The following CMTM7 variants were observed in gnomAD, a reference collection of about 807,000 sequenced individuals.
The protein encoded by CMTM7 is CKLF like MARVEL transmembrane domain containing 7.
A neutral mutation model predicts 19.3 loss-of-function variants in CMTM7; 7 were observed. The observed-to-expected ratio is 0.36, with a 90% CI of 0.21 to 0.68. CMTM7 has a LOEUF of 0.68. CMTM7 is among the 30% of genes least tolerant of loss of function. The pLI, the probability that CMTM7 is intolerant of heterozygous loss-of-function variation, is 0.60. For missense variants in CMTM7, 193 were observed against 232.6 expected (o/e 0.83, Z 1.11); for synonymous variants, 87 against 99.3 (o/e 0.88, Z 0.74).
chr3:32,415,098 G>C (rs907201970), intron 1 of CMTM7, among the ~76,000 whole-genome samples: 2 of 151,950 alleles, frequency 1.3e-5, no homozygotes, highest in African/African-American at 4.8e-5. Flanking sequence ...GCAGATTCCT[G>C]GGCCCCAGCT....
At chr3:32,416,255 A>G (rs1305473714) in intron 1 of CMTM7, among the ~76,000 whole-genome samples, 3 of 151,536 alleles carry the variant, frequency 2.0e-5, no homozygotes, top group Non-Finnish European at 2.9e-5. Flanking sequence ...CTGGAGTGCA[A>G]TGGTGCGATC....
chr3:32,426,979 A>G (rs1056436820), intron 1 of CMTM7, among the ~76,000 whole-genome samples: 6 of 152,236 alleles, frequency 3.9e-5, no homozygotes, highest in Non-Finnish European at 5.9e-5. Flanking sequence ...ACAGTGCTTT[A>G]TATGTATTGA....
chr3:32,453,334 C>T (rs1314356055), intron 4 of CMTM7, among the ~76,000 whole-genome samples: 1 of 152,102 alleles, frequency 6.6e-6, no homozygotes, highest in South Asian at 2.1e-4. Flanking sequence ...AGAAGTAGCA[C>T]TGAGTATCCT....
In CMTM7 at chr3:32,438,736, A is replaced by G. The variant is rs928171725; in HGVS notation, c.160-3104A>G. On this transcript the variant is annotated intron_variant, in intron 1 of 4. Transcript: ENST00000334983. The stretch of plus-strand genomic sequence containing the variant: ...CCCAGAAAGGTTCGAGATGTTTCTG[A>G]TAGAGCAGGAATGTACTTCCTACTA... 3.9e-5 allele frequency among the ~76,000 whole-genome samples: 6 copies of G among 152,232 alleles called. No homozygotes were observed. In the East Asian group the frequency reaches 7.7e-4, roughly 20 times the overall value.
At chr3:32,402,580 C>T (rs190008660) in intron 1 of CMTM7, among the ~76,000 whole-genome samples, 60 of 151,990 alleles carry the variant, frequency 3.9e-4, no homozygotes, top group African/African-American at 1.4e-3. Context: ...TTTTATTTTT[C>T]GAGACAGAGT....
Position 32,391,892 on chromosome 3 carries a change from A to G in CMTM7, c.-15A>G. 6.6e-6 allele frequency: 8 copies of G among 1,205,766 alleles called. No individual in the cohort carries two copies. The highest frequency in any genetic ancestry group is 1.6e-5 in the African/African-American group (1 of 63,250). 74.7% of individuals were successfully genotyped at this position (1,205,766 alleles called of 1,614,324 possible). A position where few individuals can be genotyped will look rare whatever the true frequency, so the allele number is the denominator to read the frequency against. On this transcript the variant is annotated 5_prime_UTR_variant, in exon 1 of 5. Coordinates refer to ENST00000334983, the MANE Select transcript of CMTM7 (RefSeq NM_138410.4). The stretch of plus-strand genomic sequence containing the variant: ...CAGCTGCCCGGGGAGGCGGCCAGCG[A>G]GCTGGGGCCGCGCAATGTCGCACGG...
Position 32,454,559 on chromosome 3 carries a change from C to T in CMTM7, c.*305C>T. ...CCACCTCAGGTACTGATGAACCCCACTTAGCACAGCTGAAGGGGTTTGTGA... is the reference window on the plus strand; with the variant it reads ...CCACCTCAGGTACTGATGAACCCCATTTAGCACAGCTGAAGGGGTTTGTGA... On this transcript the variant is annotated 3_prime_UTR_variant, in exon 5 of 5. Transcript: ENST00000334983. 1.6e-6 allele frequency: 1 copy of T among 612,646 alleles called. No homozygotes were observed. Among genetic ancestry groups the T allele is most frequent in the Non-Finnish European group, 3.0e-6 (1 of 330,352 alleles). 38.0% of individuals were successfully genotyped at this position (612,646 alleles called of 1,614,324 possible). A position where few individuals can be genotyped will look rare whatever the true frequency, so the allele number is the denominator to read the frequency against.
At chr3:32,407,324 A>G (rs1478992683) in intron 1 of CMTM7, among the ~76,000 whole-genome samples, 3 of 152,186 alleles carry the variant, frequency 2.0e-5, no homozygotes, top group Non-Finnish European at 2.9e-5. Flanking sequence ...TGTCCACTGA[A>G]AGAGTTGTGT....
At chr3:32,409,274 G>A (rs1696137697) in intron 1 of CMTM7, among the ~76,000 whole-genome samples, 1 of 152,040 alleles carries the variant, frequency 6.6e-6, no homozygotes, top group South Asian at 2.1e-4. Flanking sequence ...CAGGTTCTCC[G>A]TTTGTTACCA....
At chr3:32,435,262 G>A (rs769630322) in intron 1 of CMTM7, among the ~76,000 whole-genome samples, 6 of 152,138 alleles carry the variant, frequency 3.9e-5, no homozygotes, top group Non-Finnish European at 7.3e-5. Flanking sequence ...AAATTAGCCG[G>A]GCGTGGTGGT....
rs114211758 is a variant in CMTM7 at position 32,454,700 on chromosome 3, T to C, written c.*446T>C. ...AGTCCGGTCTTAGAGATACCCTCTT[T>C]CCTGAAGTGAGGCGTGCCTGTAGAA... is the stretch of plus-strand genomic sequence containing the variant. On this transcript the variant is annotated 3_prime_UTR_variant, in exon 5 of 5. Coordinates refer to ENST00000334983, the MANE Select transcript of CMTM7 (RefSeq NM_138410.4). 0.011 allele frequency: 3,696 copies of C among 347,368 alleles called. 127 individuals are homozygous for C. The highest frequency in any genetic ancestry group is 0.07 in the African/African-American group (3,293 of 46,796). The allele number at this position is 347,368 out of a possible 1,614,324, so 21.5% of individuals were successfully genotyped here.
chr3:32,438,150 C>A (rs1696625008), intron 1 of CMTM7, among the ~76,000 whole-genome samples: 1 of 152,156 alleles, frequency 6.6e-6, no homozygotes, highest in South Asian at 2.1e-4. Flanking sequence ...CGTGTTTGTG[C>A]ATTTGCTTTT....
At chr3:32,419,343 T>C (rs1216834007) in intron 1 of CMTM7, among the ~76,000 whole-genome samples, 1 of 152,252 alleles carries the variant, frequency 6.6e-6, no homozygotes, top group Non-Finnish European at 1.5e-5. Context: ...TGAAGTAGTT[T>C]TGTTTCTTCC....
intron 1 of CMTM7, among the ~76,000 whole-genome samples, chr3:32,403,283 C>G (rs1696037085): frequency 6.6e-6 from 1 of 152,170 alleles, no homozygotes; most frequent in Non-Finnish European, 1.5e-5. Flanking sequence ...GGTGCTATCT[C>G]TGCTCACTGC....
In CMTM7 at chr3:32,416,375, T is replaced by TCA; in HGVS notation, c.159+24310_159+24311insCA. Among the ~76,000 whole-genome samples, 2 of 92,792 alleles carry TCA rather than the reference T, an allele frequency of 2.2e-5. 1 individual carries two copies. Among genetic ancestry groups the TCA allele is most frequent in the South Asian group, 9.0e-4 (2 of 2,234 alleles). 60.9% of individuals were successfully genotyped at this position (92,792 alleles called of 152,430 possible). On this transcript the variant is annotated intron_variant, in intron 1 of 4. Transcript: ENST00000334983. The stretch of plus-strand genomic sequence containing the variant: ...CATCCGGGCTAATTTTTTTTTTTTT[T>TCA]TTTTTTTTTTTTTTTTTTTTTTGAG...
At chr3:32,401,785 C>G (rs1696010835) in intron 1 of CMTM7, among the ~76,000 whole-genome samples, 1 of 152,224 alleles carries the variant, frequency 6.6e-6, no homozygotes. Flanking sequence ...TGGCAGGGCT[C>G]GCGGCGTCCG....
chr3:32,424,379 C>T (rs956709695), intron 1 of CMTM7, among the ~76,000 whole-genome samples: 1 of 152,154 alleles, frequency 6.6e-6, no homozygotes, highest in Non-Finnish European at 1.5e-5. Context: ...CAGGCGGCCA[C>T]CAAGGCCTGC....
chr3:32,451,219 T>G (rs1696824840), intron 3 of CMTM7: 1 of 152,266 alleles, frequency 6.6e-6, no homozygotes, highest in Non-Finnish European at 1.5e-5. Flanking sequence ...GGGGCAGCTG[T>G]TTATGTAAAG....
chr3:32,413,851 G>A (rs1696216518), intron 1 of CMTM7, among the ~76,000 whole-genome samples: 1 of 152,096 alleles, frequency 6.6e-6, no homozygotes, highest in Admixed American at 6.5e-5. Flanking sequence ...CTTTATTGCT[G>A]AGGCATTCAT....
Sources: allele counts gnomAD v4.1 joint callset (sites outside exome capture counted in the v4.1 genomes callset), GRCh38; gene constraint gnomAD v4.1.1; transcripts MANE v1.5; gene names NCBI Gene and HGNC (gene_info 2026-07-23, HGNC 2026-07-21).